The following CREB1 variants were observed in gnomAD, a reference collection of about 807,000 sequenced individuals.
The protein encoded by CREB1 is cyclic AMP-responsive element-binding protein 1.
CREB1 carries 2 observed loss-of-function variants against 42.0 expected under a neutral mutation model. That is an observed-to-expected ratio of 0.05 (90% confidence interval 0.02 to 0.15). The LOEUF (loss-of-function observed/expected upper bound fraction) is 0.15, where lower values mean the gene tolerates loss of function less well. CREB1 is among the 10% of genes least tolerant of loss of function. The pLI is 1.00. For missense variants in CREB1, 199 were observed against 388.9 expected, an observed-to-expected ratio of 0.51 and a Z score of 4.11; for synonymous variants, 123 against 139.9, an observed-to-expected ratio of 0.88 and a Z score of 0.85.
intron 1 of CREB1, among the ~76,000 whole-genome samples, chr2:207,537,406 A>G (rs1042293543): frequency 2.6e-5 from 4 of 152,202 alleles, no homozygotes; most frequent in Non-Finnish European, 5.9e-5. Context: ...GTAAAGGCAG[A>G]ACGTTTTTTA....
At position 207,577,674 on chromosome 2, in the gene CREB1, C is replaced by T. The variant is rs199951042; in HGVS notation, c.839+19C>T. ...AGAACAGGTACAAATACTGCATTTACTTAGATTGTTATGTGTTAAGTGTGT... is the reference window on the plus strand; with the variant it reads ...AGAACAGGTACAAATACTGCATTTATTTAGATTGTTATGTGTTAAGTGTGT... On this transcript the variant is annotated intron_variant, in intron 7 of 7. Coordinates refer to ENST00000353267, the MANE Select transcript of CREB1 (RefSeq NM_004379.5). The T allele has an allele frequency of 6.0e-5, 96 of 1,612,800 alleles. No homozygotes were observed. Among genetic ancestry groups the T allele is most frequent in the Non-Finnish European group, 6.4e-5 (75 of 1,179,506 alleles).
intron 7 of CREB1, among the ~76,000 whole-genome samples, chr2:207,590,794 A>G (rs943317845): frequency 8.5e-5 from 13 of 152,208 alleles, no homozygotes; most frequent in Non-Finnish European, 1.6e-4. Flanking sequence ...CAAGCAGGGA[A>G]GCAAAGTTTG....
chr2:207,558,526 T>G (rs929846398), intron 2 of CREB1, among the ~76,000 whole-genome samples: 6 of 152,272 alleles, frequency 3.9e-5, no homozygotes, highest in African/African-American at 1.4e-4. Context: ...TACTACTAAC[T>G]GCCCTCTTTT....
At chr2:207,541,152 G>A (rs951432299) in intron 1 of CREB1, among the ~76,000 whole-genome samples, 2 of 152,018 alleles carry the variant, frequency 1.3e-5, no homozygotes, top group African/African-American at 4.8e-5. Flanking sequence ...CCCACAGGTG[G>A]AGCATGCAGT....
intron 1 of CREB1, chr2:207,550,689 G>A (rs1014325991): frequency 6.6e-6 from 1 of 152,156 alleles, no homozygotes; most frequent in African/African-American, 2.4e-5. Flanking sequence ...ATTTGATGAA[G>A]ATTTTTGTTA....
chr2:207,570,060 A>T (rs1298352104), intron 4 of CREB1, 119 bp from the exon 5 acceptor site: 1 of 666,068 alleles, frequency 1.5e-6, no homozygotes, highest in African/African-American at 1.9e-5. Flanking sequence ...AAAAAAAAAA[A>T]AACCTTCTGT....
intron 7 of CREB1, chr2:207,582,270 CTT>C (rs945975511): frequency 1.5e-5 from 10 of 650,798 alleles, no homozygotes; most frequent in Admixed American, 2.4e-5. Context: ...ATTCTTTTCT[CTT>C]TAAAGTTTTG....
intron 2 of CREB1, among the ~76,000 whole-genome samples, chr2:207,558,643 A>ATTTTTT (rs903929048): frequency 1.5e-5 from 2 of 132,056 alleles, no homozygotes; most frequent in African/African-American, 2.8e-5. Context: ...CACTAAAGTG[A>ATTTTTT]TTTTTTTTTT....
intron 7 of CREB1, chr2:207,578,006 T>C (rs1192311751): frequency 1.7e-5 from 5 of 287,384 alleles, no homozygotes; most frequent in Non-Finnish European, 1.4e-5. Flanking sequence ...GAGTTTCATA[T>C]ATGTATATTA....
intron 2 of CREB1, among the ~76,000 whole-genome samples, chr2:207,558,355 G>C (rs147882443): frequency 2.6e-5 from 4 of 152,080 alleles, no homozygotes; most frequent in South Asian, 2.1e-4. Flanking sequence ...CTTACTTCTT[G>C]CATTCTCTTT....
intron 2 of CREB1, among the ~76,000 whole-genome samples, chr2:207,557,136 T>G (rs1031223981): frequency 2.7e-5 from 4 of 150,578 alleles, no homozygotes; most frequent in Admixed American, 2.0e-4. Context: ...AGATTCCCTC[T>G]CAAAAAAAAA....
At chr2:207,536,487 A>AGAGGTTGCAGTGAGCT (rs2080875082) in intron 1 of CREB1, among the ~76,000 whole-genome samples, 1 of 152,126 alleles carries the variant, frequency 6.6e-6, no homozygotes, top group Non-Finnish European at 1.5e-5. Flanking sequence ...CCTGGAAGGC[A>AGAGGTTGCAGTGAGCT]GAGGTTGCAG....
At chr2:207,579,475 A>C (rs1361841774) in intron 7 of CREB1, among the ~76,000 whole-genome samples, 2 of 152,202 alleles carry the variant, frequency 1.3e-5, no homozygotes, top group Non-Finnish European at 2.9e-5. Context: ...ACCCCCGTTG[A>C]CTGGCAGACC....
chr2:207,591,123 T>C (rs185345101), intron 7 of CREB1, among the ~76,000 whole-genome samples: 2 of 152,312 alleles, frequency 1.3e-5, no homozygotes, highest in East Asian at 1.9e-4. Context: ...GTGTAGTTGA[T>C]TATGTCATTC....
intron 1 of CREB1, among the ~76,000 whole-genome samples, chr2:207,547,325 A>G (rs947087507): frequency 6.6e-6 from 1 of 152,268 alleles, no homozygotes; most frequent in African/African-American, 2.4e-5. Context: ...AAATGTAAGT[A>G]GGCTATACAT....
At chr2:207,587,308 G>C (rs1027924704) in intron 7 of CREB1, among the ~76,000 whole-genome samples, 1 of 151,590 alleles carries the variant, frequency 6.6e-6, no homozygotes, top group African/African-American at 2.4e-5. Flanking sequence ...CAGGAGAATG[G>C]CGTGAACCCG....
chr2:207,592,745 C>T (rs1036057157), intron 7 of CREB1, among the ~76,000 whole-genome samples: 4 of 151,870 alleles, frequency 2.6e-5, no homozygotes, highest in Non-Finnish European at 5.9e-5. Context: ...ATGGTGAAAC[C>T]CCGTCTCTAC....
intron 1 of CREB1, among the ~76,000 whole-genome samples, chr2:207,543,437 T>TAGTC (rs2081174155): frequency 6.6e-6 from 1 of 152,004 alleles, no homozygotes. Context: ...GGGGAGTGAG[T>TAGTC]AGTCATTCCT....
At chr2:207,563,366 C>T (rs923622770) in intron 3 of CREB1, among the ~76,000 whole-genome samples, 1 of 152,138 alleles carries the variant, frequency 6.6e-6, no homozygotes, top group Non-Finnish European at 1.5e-5. Flanking sequence ...GGAGTTTCAG[C>T]AGGTATTGAA....
Sources: allele counts gnomAD v4.1 joint callset (sites outside exome capture counted in the v4.1 genomes callset), GRCh38; gene constraint gnomAD v4.1.1; transcripts MANE v1.5; gene names NCBI Gene and HGNC (gene_info 2026-07-23, HGNC 2026-07-21).